The following ASAP1 variants were observed in gnomAD, a reference collection of about 807,000 sequenced individuals.
ASAP1 encodes the protein arf-GAP with SH3 domain, ANK repeat and PH domain-containing protein 1.
Under a neutral mutation model 145.2 loss-of-function variants are expected in ASAP1, and 43 were observed. That is an observed-to-expected ratio of 0.30 (90% CI 0.23 to 0.38). ASAP1 has a LOEUF of 0.38. Among genes scored for constraint, ASAP1 ranks in the 10% least tolerant of loss-of-function variants. The pLI is 1.00. For synonymous variants in ASAP1, 546 were observed against 515.5 expected (o/e 1.06, Z -0.80); for missense variants, 1,018 against 1,355.3 (o/e 0.75, Z 3.91).
At chr8:130,371,693 TG>T (rs1827221108) in intron 2 of ASAP1, among the ~76,000 whole-genome samples, 2 of 152,198 alleles carry the variant, frequency 1.3e-5, no homozygotes, top group Non-Finnish European at 2.9e-5. Flanking sequence ...AGCAACCATT[TG>T]GGATCCTAAA....
intron 4 of ASAP1, among the ~76,000 whole-genome samples, chr8:130,224,562 C>T (rs1163505031): frequency 6.6e-6 from 1 of 151,938 alleles, no homozygotes; most frequent in Admixed American, 6.6e-5. Flanking sequence ...CATACAGACA[C>T]ACAAATATAG....
At chr8:130,400,216 A>C (rs1828723710) in intron 2 of ASAP1, among the ~76,000 whole-genome samples, 1 of 152,098 alleles carries the variant, frequency 6.6e-6, no homozygotes, top group African/African-American at 2.4e-5. Context: ...CACTACGCGG[A>C]CTTCTTAGAA....
Position 130,382,731 on chromosome 8 carries a change from G to A in ASAP1, c.59+19154C>T, listed in dbSNP as rs552380899. Among the ~76,000 whole-genome samples, 36 of 152,300 alleles carry A rather than the reference G, an allele frequency of 2.4e-4. 1 individual carries two copies. The South Asian group carries it at 7.3e-3, about 31-fold the overall frequency. ...GCATGGCGGCACACCTGTAATCCCAGCTACTCAGGAGGCTGAGGCAGGAGA... is the reference window on the plus strand; with the variant it reads ...GCATGGCGGCACACCTGTAATCCCAACTACTCAGGAGGCTGAGGCAGGAGA... On this transcript the variant is annotated intron_variant, in intron 2 of 29. Coordinates refer to ENST00000518721, the MANE Select transcript of ASAP1 (RefSeq NM_018482.4).
At chr8:130,197,111 C>T (rs1157419214) in intron 5 of ASAP1, among the ~76,000 whole-genome samples, 1 of 152,234 alleles carries the variant, frequency 6.6e-6, no homozygotes, top group African/African-American at 2.4e-5. Flanking sequence ...CTAGCCCATG[C>T]CAGTGTCAGT....
chr8:130,419,213 G>A (rs915444799), intron 1 of ASAP1, among the ~76,000 whole-genome samples: 3 of 152,164 alleles, frequency 2.0e-5, no homozygotes, highest in African/African-American at 7.2e-5. Flanking sequence ...GCCCAGCATC[G>A]CTCCTCATTG....
chr8:130,370,016 C>A (rs1165906294), intron 2 of ASAP1, among the ~76,000 whole-genome samples: 2 of 152,026 alleles, frequency 1.3e-5, no homozygotes, highest in African/African-American at 4.8e-5. Flanking sequence ...AAAAGAGACC[C>A]CAGGCCGGGC....
intron 18 of ASAP1, among the ~76,000 whole-genome samples, chr8:130,122,304 C>A (rs1313314868): frequency 6.6e-6 from 1 of 152,176 alleles, no homozygotes; most frequent in African/African-American, 2.4e-5. Flanking sequence ...GTATCTTCAG[C>A]ACCTACAAGA....
At position 130,262,440 on chromosome 8, in the gene ASAP1, GA is replaced by G. The variant is rs1565148982; in HGVS notation, c.187-25447del. ...AAAGAGAGAGAGAGAGAGAGAGAGA[GA>G]GAGAGAGAGAGAGAGAACCTGTGGA... On this transcript the variant is annotated intron_variant, in intron 3 of 29. Coordinates refer to ENST00000518721, the MANE Select transcript of ASAP1 (RefSeq NM_018482.4). 2.1e-3 allele frequency among the ~76,000 whole-genome samples: 288 copies of G among 139,118 alleles called. 6 individuals are homozygous for G. Among genetic ancestry groups the G allele is most frequent in the African/African-American group, 7.1e-3 (264 of 37,124 alleles). The allele number at this position is 139,118 out of a possible 152,430, so 91.3% of individuals were successfully genotyped here.
At chr8:130,427,899 G>C (rs1055677170) in intron 1 of ASAP1, 2 of 152,164 alleles carry the variant, frequency 1.3e-5, no homozygotes, top group Non-Finnish European at 2.9e-5. Context: ...TCATCTTCCT[G>C]GTGGCAGGAT....
intron 13 of ASAP1, among the ~76,000 whole-genome samples, chr8:130,152,095 C>G (rs1284139667): frequency 6.6e-6 from 1 of 152,206 alleles, no homozygotes; most frequent in African/African-American, 2.4e-5. Flanking sequence ...AAATGCTCAT[C>G]TCTCTTTTCT....
intron 3 of ASAP1, among the ~76,000 whole-genome samples, chr8:130,238,120 T>G (rs1416623503): frequency 1.3e-5 from 2 of 152,074 alleles, no homozygotes; most frequent in Non-Finnish European, 2.9e-5. Flanking sequence ...ATTCCCCTTA[T>G]GGAAAATGGT....
chr8:130,292,310 G>A (rs773970227), intron 3 of ASAP1, among the ~76,000 whole-genome samples: 10 of 152,150 alleles, frequency 6.6e-5, no homozygotes, highest in Non-Finnish European at 1.0e-4. Context: ...CCTTGTCTGC[G>A]CATGTGGGTA....
intron 2 of ASAP1, among the ~76,000 whole-genome samples, chr8:130,394,090 A>G (rs1351870960): frequency 5.3e-5 from 8 of 152,222 alleles, no homozygotes. Flanking sequence ...GTGTGTTTGA[A>G]CAATATGAAA....
At position 130,118,671 on chromosome 8, in the gene ASAP1, C is replaced by T. The variant is rs1341993862; in HGVS notation, c.1612G>A (p.Val538Ile). ...TTTGCAGTGATATATTCTTTTCGTA[C>T]AGTCCTAAAACAGAACAAAATAAAG... ...PKPTPSSDMT[V>I]RKEYITAKYV... Residue 538 changes from valine to isoleucine, a missense_variant, in exon 19 of 30, where the codon GTA becomes ATA. This residue lies in a region of ASAP1 where 153 missense variants were observed against 221.6 expected (regional missense o/e 0.69). Transcript: ENST00000518721. The T allele has an allele frequency of 1.9e-6, 3 of 1,606,260 alleles. No individual in the cohort carries two copies. Among genetic ancestry groups the T allele is most frequent in the Admixed American group, 3.4e-5 (2 of 59,434 alleles).
chr8:130,262,517 A>G (rs1819998249), intron 3 of ASAP1, among the ~76,000 whole-genome samples: 2 of 150,578 alleles, frequency 1.3e-5, no homozygotes, highest in South Asian at 2.1e-4. Flanking sequence ...TCCTCAAGTG[A>G]ATGCTTGAGG....
At chr8:130,127,807 T>G in intron 16 of ASAP1, 120 bp downstream of exon 16, 1 of 1,103,400 alleles carries the variant, frequency 9.1e-7, no homozygotes, top group South Asian at 1.8e-5. Flanking sequence ...GAATACGTGT[T>G]TTGTGTGTGT....
chr8:130,330,961 T>C (rs1450744870), intron 3 of ASAP1, among the ~76,000 whole-genome samples: 1 of 152,192 alleles, frequency 6.6e-6, no homozygotes, highest in African/African-American at 2.4e-5. Flanking sequence ...GCAGATGATA[T>C]GGTGTACCAA....
intron 3 of ASAP1, among the ~76,000 whole-genome samples, chr8:130,267,118 ACAAAC>A (rs1820299281): frequency 2.1e-5 from 3 of 141,206 alleles, no homozygotes; most frequent in Non-Finnish European, 4.7e-5. Flanking sequence ...AAACAAACAA[ACAAAC>A]AAAAAAAAAA....
intron 3 of ASAP1, among the ~76,000 whole-genome samples, chr8:130,296,780 A>G (rs974077298): frequency 6.6e-6 from 1 of 152,102 alleles, no homozygotes; most frequent in African/African-American, 2.4e-5. Flanking sequence ...AAAAAAATTA[A>G]GCTACTTTCC....
Sources: gnomAD v4.1 joint callset for allele counts (sites outside exome capture counted in the v4.1 genomes callset) on GRCh38, gnomAD v4.1.1 for gene constraint, gnomAD v4.1.1 regional missense constraint, MANE v1.5 for transcripts, NCBI Gene and HGNC (gene_info 2026-07-23, HGNC 2026-07-21) for gene names.